Variants in GAD2 observed in about 807,000 individuals in gnomAD.
GAD2 encodes the protein glutamate decarboxylase 2.
In GAD2, 22 loss-of-function variants were observed where a neutral mutation model predicts 80.1. The observed-to-expected ratio is 0.27, with a 90% CI of 0.20 to 0.39. GAD2 has a LOEUF of 0.39. GAD2 is among the 10% of genes least tolerant of loss of function. The probability of loss-of-function intolerance (pLI) is 1.00; values close to 1 mark genes in which losing one functional copy is unlikely to be tolerated. For synonymous variants in GAD2, 274 were observed against 256.9 expected (o/e 1.07, Z -0.64); for missense variants, 624 against 738.4 (o/e 0.85, Z 1.80).
chr10:26,240,740 A>G (rs1176883661), intron 7 of GAD2, among the ~76,000 whole-genome samples: 1 of 150,742 alleles, frequency 6.6e-6, no homozygotes, highest in Non-Finnish European at 1.5e-5. Context: ...ACAAAAAAAA[A>G]AAAAAATGTG....
chr10:26,248,174 C>G (rs1012991806), intron 8 of GAD2, among the ~76,000 whole-genome samples: 7 of 152,140 alleles, frequency 4.6e-5, no homozygotes, highest in African/African-American at 1.7e-4. Flanking sequence ...AAGTTACAGG[C>G]AAATTGCAAA....
At chr10:26,251,778 A>T (rs893258570) in intron 8 of GAD2, among the ~76,000 whole-genome samples, 3 of 152,214 alleles carry the variant, frequency 2.0e-5, no homozygotes, top group Admixed American at 6.5e-5. Context: ...TTGGAAAAAA[A>T]TTTTAACTGT....
chr10:26,274,751 C>T (rs1240897072), intron 11 of GAD2, among the ~76,000 whole-genome samples: 1 of 152,134 alleles, frequency 6.6e-6, no homozygotes, highest in Non-Finnish European at 1.5e-5. Flanking sequence ...ACAGAGAACC[C>T]GTGAGTGTGG....
intron 7 of GAD2, among the ~76,000 whole-genome samples, chr10:26,240,289 T>TA (rs1359873533): frequency 1.3e-5 from 2 of 152,226 alleles, no homozygotes; most frequent in African/African-American, 4.8e-5. Flanking sequence ...TCCAGCCTGA[T>TA]ACGCTCCTTC....
At chr10:26,225,345 G>T (rs1352425689) in intron 6 of GAD2, among the ~76,000 whole-genome samples, 3 of 152,194 alleles carry the variant, frequency 2.0e-5, no homozygotes, top group Non-Finnish European at 4.4e-5. Flanking sequence ...ACAAAAAGCT[G>T]TGCCCTTGGT....
rs769374728 is a variant in GAD2 at position 26,269,075 on chromosome 10, A to C, written c.921-44A>C. Reference sequence around the variant, plus strand: ...GGCCACTTACGTTGTAAAGACGATGAAGCAAATTATTCAAAGCAAATCTAT... The same window carrying C: ...GGCCACTTACGTTGTAAAGACGATGCAGCAAATTATTCAAAGCAAATCTAT... On this transcript the variant is annotated intron_variant, in intron 8 of 15. Transcript: ENST00000376261. 40 of 1,489,610 alleles carry C rather than the reference A, an allele frequency of 2.7e-5. No individual in the cohort carries two copies. The South Asian group carries it at 4.9e-4, about 18-fold the overall frequency. 92.3% of individuals were successfully genotyped at this position (1,489,610 alleles called of 1,614,324 possible).
intron 7 of GAD2, among the ~76,000 whole-genome samples, chr10:26,241,862 C>T (rs1181168411): frequency 6.6e-6 from 1 of 152,126 alleles, no homozygotes; most frequent in African/African-American, 2.4e-5. Flanking sequence ...GGGTGGTCTG[C>T]TAGTATGTGC....
intron 8 of GAD2, among the ~76,000 whole-genome samples, chr10:26,265,449 C>T (rs912844354): frequency 3.3e-5 from 5 of 152,042 alleles, no homozygotes; most frequent in African/African-American, 4.8e-5. Context: ...GTGATCCACC[C>T]GCCTCAGCCT....
At chr10:26,287,224 A>G (rs1845344190) in intron 13 of GAD2, among the ~76,000 whole-genome samples, 1 of 152,192 alleles carries the variant, frequency 6.6e-6, no homozygotes, top group African/African-American at 2.4e-5. Flanking sequence ...GTGCCTGCCC[A>G]TCCGGCTTCA....
At chr10:26,240,049 CA>C (rs1300931803) in intron 7 of GAD2, among the ~76,000 whole-genome samples, 1 of 152,216 alleles carries the variant, frequency 6.6e-6, no homozygotes, top group East Asian at 1.9e-4. Context: ...ATGAAATCAG[CA>C]ATGGCTTGAA....
intron 11 of GAD2, among the ~76,000 whole-genome samples, chr10:26,279,103 G>A (rs865784341): frequency 4.6e-5 from 7 of 151,944 alleles, no homozygotes; most frequent in South Asian, 2.1e-4. Flanking sequence ...CAGTCTCTCC[G>A]GAGACAAGCG....
Position 26,225,679 on chromosome 10 carries a change from C to A in GAD2, c.724+1028C>A, listed in dbSNP as rs571164515. 1.5e-3 allele frequency among the ~76,000 whole-genome samples: 222 copies of A among 152,218 alleles called. 1 individual carries two copies. Among genetic ancestry groups the A allele is most frequent in the African/African-American group, 5.1e-3 (210 of 41,538 alleles). On this transcript the variant is annotated intron_variant, in intron 6 of 15. Transcript: ENST00000376261. ...AAGAAGAAATGATAAGCAAGAGTGA[C>A]CCCAAGGCCAGGGCTTAAGTTAAGC...
At chr10:26,233,526 C>T (rs3904296) in intron 7 of GAD2, among the ~76,000 whole-genome samples, 2,958 of 152,268 alleles carry the variant, frequency 0.019, 102 homozygotes, top group African/African-American at 0.067. Flanking sequence ...TTTGAAGCTG[C>T]AGGTTAAGAG....
chr10:26,254,351 C>T lies in GAD2; in HGVS notation c.920+8351C>T, dbSNP rs562297111. On this transcript the variant is annotated intron_variant, in intron 8 of 15. Transcript: ENST00000376261. ...ACACAACCTAGATCCCTCACATCCG[C>T]AGTTCACAGCAGGGTTCCTGCTCCT... is the stretch of plus-strand genomic sequence containing the variant. Among the ~76,000 whole-genome samples the T allele has an allele frequency of 5.9e-5, 9 of 152,314 alleles. No individual in the cohort carries two copies. In the South Asian group the frequency reaches 1.9e-3, roughly 32 times the overall value.
chr10:26,272,936 G>T (rs1000408142), intron 10 of GAD2, among the ~76,000 whole-genome samples: 14 of 152,170 alleles, frequency 9.2e-5, no homozygotes, highest in Non-Finnish European at 8.8e-5. Context: ...TATCATAAAA[G>T]AATTTTATAA....
At chr10:26,229,568 G>A (rs532627439) in intron 6 of GAD2, 94 bp from the exon 7 acceptor site, 6 of 832,522 alleles carry the variant, frequency 7.2e-6, no homozygotes, top group African/African-American at 3.4e-5. Flanking sequence ...CTGAGTCCAA[G>A]GAGGACTCAG....
chr10:26,277,356 G>A (rs992286522), intron 11 of GAD2, among the ~76,000 whole-genome samples: 1 of 152,202 alleles, frequency 6.6e-6, no homozygotes, highest in Non-Finnish European at 1.5e-5. Context: ...ATCTGCGGGG[G>A]TTCTTTCCAC....
At chr10:26,259,149 C>T (rs1234742834) in intron 8 of GAD2, among the ~76,000 whole-genome samples, 1 of 152,164 alleles carries the variant, frequency 6.6e-6, no homozygotes, top group Admixed American at 6.5e-5. Context: ...AGGAATAACG[C>T]TGCAATGAAT....
chr10:26,228,956 G>A (rs1272849780), intron 6 of GAD2, among the ~76,000 whole-genome samples: 1 of 152,132 alleles, frequency 6.6e-6, no homozygotes, highest in East Asian at 1.9e-4. Context: ...TTGGGAGGCC[G>A]AGGCGGGTGG....
Sources: gnomAD v4.1 joint callset for allele counts (sites outside exome capture counted in the v4.1 genomes callset) on GRCh38, gnomAD v4.1.1 for gene constraint, MANE v1.5 for transcripts, NCBI Gene and HGNC (gene_info 2026-07-23, HGNC 2026-07-21) for gene names.